Variants in PRKCZ observed in about 807,000 individuals in gnomAD.
PRKCZ encodes protein kinase C zeta.
PRKCZ carries 33 observed loss-of-function variants against 79.5 expected under a neutral mutation model. The observed-to-expected ratio is 0.41, with a 90% CI of 0.31 to 0.55. The LOEUF is 0.55. Ranked by LOEUF, PRKCZ falls within the 20% of genes least tolerant of loss-of-function variation. The pLI is 0.19. For missense variants in PRKCZ, 578 were observed against 813.5 expected, an observed-to-expected ratio of 0.71 and a Z score of 3.52; for synonymous variants, 342 against 320.9, an observed-to-expected ratio of 1.07 and a Z score of -0.70.
chr1:2,068,195 C>T (rs535000748), intron 4 of PRKCZ, among the ~76,000 whole-genome samples: 67 of 152,214 alleles, frequency 4.4e-4, no homozygotes, highest in Non-Finnish European at 8.8e-4. Context: ...GCCCTGGTAA[C>T]GGGAGAGCAT....
At chr1:2,072,031 C>T (rs1402709139) in intron 4 of PRKCZ, among the ~76,000 whole-genome samples, 2 of 152,246 alleles carry the variant, frequency 1.3e-5, no homozygotes, top group Admixed American at 1.3e-4. Flanking sequence ...GAAATCCTAG[C>T]TTGCTGATTT....
At chr1:2,081,587 G>A (rs1420210862) in intron 4 of PRKCZ, among the ~76,000 whole-genome samples, 2 of 152,228 alleles carry the variant, frequency 1.3e-5, no homozygotes, top group African/African-American at 4.8e-5. Flanking sequence ...ATGCCAAGGT[G>A]GTGCTGGGTC....
chr1:2,054,819 C>T (rs963267445), intron 1 of PRKCZ, among the ~76,000 whole-genome samples: 7 of 152,232 alleles, frequency 4.6e-5, no homozygotes, highest in African/African-American at 1.4e-4. Flanking sequence ...AACGAGTGCC[C>T]GACCAGGTAA....
At chr1:2,170,301 G>A (rs754831193) in intron 11 of PRKCZ, among the ~76,000 whole-genome samples, 1 of 152,174 alleles carries the variant, frequency 6.6e-6, no homozygotes, top group Non-Finnish European at 1.5e-5. Context: ...GGGACCTCCA[G>A]GACCGTTTGG....
chr1:2,121,449 G>A lies in PRKCZ; in HGVS notation c.335-13813G>A, dbSNP rs193069981. ...TTTGACAGGTAGTTAGAGTCATGGC[G>A]GTAGTTAGTTAGAGTCATGGCGGTA... On this transcript the variant is annotated intron_variant, in intron 4 of 17. Transcript: ENST00000378567. Among the ~76,000 whole-genome samples, 197 of 146,552 alleles carry A rather than the reference G, an allele frequency of 1.3e-3. 1 individual carries two copies. Among genetic ancestry groups the A allele is most frequent in the African/African-American group, 4.8e-3 (189 of 39,196 alleles).
chr1:2,135,225 A>G, intron 4 of PRKCZ, 37 bp from the exon 5 acceptor site: 1 of 1,571,582 alleles, frequency 6.4e-7, no homozygotes, highest in South Asian at 1.1e-5. Flanking sequence ...CGTGGCTGCC[A>G]CGCTGTTTCT....
chr1:2,155,327 G>A (rs1313567658), intron 9 of PRKCZ, among the ~76,000 whole-genome samples: 1 of 152,034 alleles, frequency 6.6e-6, no homozygotes, highest in African/African-American at 2.4e-5. Context: ...CAGTGATGAT[G>A]GTAGTGGTGA....
rs1663741552 is a variant in PRKCZ at position 2,082,513 on chromosome 1, A to G, written c.334+22922A>G. On this transcript the variant is annotated intron_variant, in intron 4 of 17. Transcript: ENST00000378567. The surrounding 1 kb of genome is among the most constrained non-coding windows in gnomAD (Gnocchi z 4.4). ...TAGCGACCGGTTTTGTGATGTGGGC[A>G]GTGCCGTGCTGGTAAATGCTCTGTG... The G allele has an allele frequency of 2.3e-6, 1 of 426,198 alleles. No individual in the cohort carries two copies. Among genetic ancestry groups the G allele is most frequent in the Non-Finnish European group, 4.7e-6 (1 of 212,474 alleles). 26.4% of individuals were successfully genotyped at this position (426,198 alleles called of 1,614,324 possible).
chr1:2,149,629 G>A lies in PRKCZ; in HGVS notation c.687+705G>A, dbSNP rs754811139. ...CAATCCCAGCATTTTGGGAGGCTGC[G>A]CACATCGCTTGAGTCCAGGAGCTCG... On this transcript the variant is annotated intron_variant, in intron 8 of 17. Transcript: ENST00000378567. This position sits in a 1 kb window ranked among gnomAD's most constrained non-coding sequence, Gnocchi z 4.1. Among the ~76,000 whole-genome samples, 4 of 152,188 alleles carry A rather than the reference G, an allele frequency of 2.6e-5. No individual in the cohort carries two copies. The highest frequency in any genetic ancestry group is 4.4e-5 in the Non-Finnish European group (3 of 68,034).
intron 7 of PRKCZ, among the ~76,000 whole-genome samples, chr1:2,147,440 C>T (rs1678833975): frequency 6.6e-6 from 1 of 151,218 alleles, no homozygotes; most frequent in Non-Finnish European, 1.5e-5. Flanking sequence ...CTGACCTCTC[C>T]ATCTATCCAT....
chr1:2,125,169 T>G lies in PRKCZ; in HGVS notation c.335-10093T>G, dbSNP rs1235621372. 1.3e-5 allele frequency among the ~76,000 whole-genome samples: 2 copies of G among 152,124 alleles called. No homozygotes were observed. Among genetic ancestry groups the G allele is most frequent in the African/African-American group, 4.8e-5 (2 of 41,424 alleles). ...TTCTTGTTGTTGGTGTTGATGTGTT[T>G]TGTTTGTTTTAGTGAATCCAGAAAA... On this transcript the variant is annotated intron_variant, in intron 4 of 17. Coordinates refer to ENST00000378567, the MANE Select transcript of PRKCZ (RefSeq NM_002744.6). This position sits in a 1 kb window ranked among gnomAD's most constrained non-coding sequence, Gnocchi z 4.2.
At chr1:2,171,056 C>T (rs778902779) in intron 11 of PRKCZ, among the ~76,000 whole-genome samples, 6 of 152,240 alleles carry the variant, frequency 3.9e-5, no homozygotes, top group East Asian at 1.9e-4. Flanking sequence ...TTAGGCCGGG[C>T]GTGGTGGCTC....
chr1:2,076,728 C>T (rs1176148534), intron 4 of PRKCZ, among the ~76,000 whole-genome samples: 1 of 146,114 alleles, frequency 6.8e-6, no homozygotes, highest in African/African-American at 2.5e-5. Flanking sequence ...GGCAACAGAG[C>T]GAGACTCCAT....
rs74201924 is a variant in PRKCZ, at chr1:2,124,195, A to G, written c.335-11067A>G. On this transcript the variant is annotated intron_variant, in intron 4 of 17. Coordinates refer to ENST00000378567, the MANE Select transcript of PRKCZ (RefSeq NM_002744.6). The stretch of plus-strand genomic sequence containing the variant: ...CGGCGGTGGTTAGGGTCACGGCTGT[A>G]GTTAGGGTCACGGCTGTAGTTAGCG... 5.2e-4 allele frequency among the ~76,000 whole-genome samples: 64 copies of G among 122,324 alleles called. 11 individuals carry two copies. The highest frequency in any genetic ancestry group is 1.6e-3 in the African/African-American group (48 of 30,702). The allele number at this position is 122,324 out of a possible 152,430, so 80.2% of individuals were successfully genotyped here.
rs1660076402 is a variant in PRKCZ at position 2,055,429 on chromosome 1, C to A, written c.72-12C>A. 1 of 1,603,032 alleles carries A rather than the reference C, an allele frequency of 6.2e-7. No homozygotes were observed. Among genetic ancestry groups the A allele is most frequent in the African/African-American group, 1.3e-5 (1 of 74,674 alleles). ...CCCACGGTAACAGATGCCCATGTCC[C>A]CTCTGCCCCAGGGACATCTTCATCA... On this transcript the variant is annotated splice_polypyrimidine_tract_variant and intron_variant, in intron 1 of 17. Coordinates refer to ENST00000378567, the MANE Select transcript of PRKCZ (RefSeq NM_002744.6).
chr1:2,124,359 TTAG>T (rs1673415375), intron 4 of PRKCZ, among the ~76,000 whole-genome samples: 2 of 122,284 alleles, frequency 1.6e-5, no homozygotes, highest in African/African-American at 6.7e-5. Context: ...ACGGCGGTGG[TTAG>T]GGTCACGGCG....
At chr1:2,181,667 G>A (rs1430477497) in intron 16 of PRKCZ, 1 of 350,276 alleles carries the variant, frequency 2.9e-6, no homozygotes, top group African/African-American at 2.2e-5. Flanking sequence ...TGAGCCCTCG[G>A]AGCAGAGAAC....
chr1:2,164,588 T>G (rs1218737599), intron 10 of PRKCZ, among the ~76,000 whole-genome samples: 1 of 152,160 alleles, frequency 6.6e-6, no homozygotes, highest in Non-Finnish European at 1.5e-5. Flanking sequence ...TGGGAGAAAG[T>G]CCAGCTTAGA....
chr1:2,107,709 G>A lies in PRKCZ; in HGVS notation c.335-27553G>A, dbSNP rs576385767. Among the ~76,000 whole-genome samples the A allele has an allele frequency of 2.6e-3, 397 of 151,972 alleles. 3 individuals are homozygous for A. Among genetic ancestry groups the A allele is most frequent in the African/African-American group, 9.1e-3 (376 of 41,352 alleles). On this transcript the variant is annotated intron_variant, in intron 4 of 17. Transcript: ENST00000378567. ...GACTGCCGAAATCCCCTCTACCCGG[G>A]CTGTGCCTCTCCGGCCTGTGCCTCT...
Sources: gnomAD v4.1 joint callset for allele counts (sites outside exome capture counted in the v4.1 genomes callset) on GRCh38, gnomAD v4.1.1 for gene constraint, Gnocchi (gnomAD v3.1) non-coding constraint, MANE v1.5 for transcripts, NCBI Gene and HGNC (gene_info 2026-07-23, HGNC 2026-07-21) for gene names.